Variants in SEMA3A observed in about 807,000 individuals in gnomAD.
SEMA3A encodes semaphorin 3A.
SEMA3A carries 29 observed loss-of-function variants against 97.9 expected under a neutral mutation model. That is an observed-to-expected ratio of 0.30 (90% CI 0.22 to 0.40). The LOEUF (loss-of-function observed/expected upper bound fraction) is 0.40. Ranked by LOEUF, SEMA3A falls within the 10% of genes least tolerant of loss-of-function variation. The pLI, the probability that SEMA3A is intolerant of heterozygous loss-of-function variation, is 1.00. For missense variants in SEMA3A, 763 were observed against 951.3 expected, an observed-to-expected ratio of 0.80 and a Z score of 2.60; for synonymous variants, 321 against 323.7, an observed-to-expected ratio of 0.99 and a Z score of 0.09.
At chr7:84,488,315 T>C (rs79006179) in intron 1 of SEMA3A, among the ~76,000 whole-genome samples, 13,761 of 93,936 alleles carry the variant, frequency 0.15, 752 homozygotes, top group East Asian at 0.28. Context: ...TTTCTTCGTA[T>C]ATACACACAC....
intron 1 of SEMA3A, among the ~76,000 whole-genome samples, chr7:84,409,056 T>A (rs567790249): frequency 1.4e-3 from 200 of 144,668 alleles, no homozygotes; most frequent in South Asian, 2.8e-3. Flanking sequence ...ATAATAAAAA[T>A]ATATATATAT....
chr7:84,111,523 G>T (rs971687436), intron 3 of SEMA3A, among the ~76,000 whole-genome samples: 3 of 152,098 alleles, frequency 2.0e-5, no homozygotes, highest in African/African-American at 7.2e-5. Flanking sequence ...CCAAATTTAA[G>T]CAGATTAATT....
At chr7:84,050,794 T>A (rs1489062189) in intron 5 of SEMA3A, among the ~76,000 whole-genome samples, 1 of 152,202 alleles carries the variant, frequency 6.6e-6, no homozygotes, top group African/African-American at 2.4e-5. Context: ...CATGCTTATG[T>A]CCTGAATGGT....
chr7:84,256,399 T>TA (rs1406934789), intron 3 of SEMA3A, among the ~76,000 whole-genome samples: 1 of 152,068 alleles, frequency 6.6e-6, no homozygotes, highest in Non-Finnish European at 1.5e-5. Context: ...CTCTGAGACT[T>TA]AGAGATCCTT....
intron 2 of SEMA3A, among the ~76,000 whole-genome samples, chr7:84,312,380 A>G (rs1209550418): frequency 6.6e-6 from 1 of 151,806 alleles, no homozygotes; most frequent in Non-Finnish European, 1.5e-5. Context: ...GTCATGAAGA[A>G]AGGCCCAGTG....
rs200950975 is a variant in SEMA3A, at chr7:84,160,403, A to T, written c.113-25452T>A. On this transcript the variant is annotated intron_variant, in intron 1 of 16. Transcript: ENST00000265362. ...CGTCTCTAAAAAAAATACAAAAATT[A>T]GCTGGATGCAGTAGCACATGCCTGT... 4.6e-5 allele frequency among the ~76,000 whole-genome samples: 7 copies of T among 151,876 alleles called. No individual in the cohort carries two copies. The East Asian group carries it at 1.2e-3, about 25-fold the overall frequency.
In SEMA3A at chr7:83,961,727, G is replaced by A. The variant is rs1404238314; in HGVS notation, c.1960C>T (p.His654Tyr). ...TTAAGAAGAGTTTGTATGAACCCAT[G>A]TTCCACCGCATGGCAGAGGTAATTG... ...SGNYLCHAVE[H>Y]GFIQTLLKVT... The change falls in exon 17 of 17, where the codon CAT becomes TAT. Residue 654 changes from histidine (H) to tyrosine (Y), a missense_variant. Around this residue, in one of 2 missense-constraint regions of SEMA3A, gnomAD observed 678 missense variants for 881.3 expected, o/e 0.77. Transcript: ENST00000265362. The A allele has an allele frequency of 1.3e-5, 21 of 1,613,798 alleles. No individual in the cohort carries two copies. The highest frequency in any genetic ancestry group is 1.4e-5 in the Non-Finnish European group (17 of 1,179,866).
intron 1 of SEMA3A, among the ~76,000 whole-genome samples, chr7:84,470,393 T>C (rs1434001076): frequency 2.0e-5 from 3 of 152,132 alleles, no homozygotes; most frequent in Non-Finnish European, 4.4e-5. Flanking sequence ...TGATGAAGCA[T>C]TTCTGGAGAC....
At chr7:84,241,407 T>C (rs781017629) in intron 3 of SEMA3A, among the ~76,000 whole-genome samples, 14 of 152,210 alleles carry the variant, frequency 9.2e-5, no homozygotes, top group Non-Finnish European at 1.9e-4. Context: ...TGTCTTCTTT[T>C]GAGAAGTGTC....
At position 84,215,437 on chromosome 7, in the gene SEMA3A, C is replaced by A. The variant is rs530752763; in HGVS notation, c.-82-20769G>T. ...TCCTGACCTTAGATGATCCGCCCCC[C>A]CCTTGGCCTCCCAAAGTGCTGGGAT... On this transcript the variant is annotated intron_variant, in intron 3 of 3. Transcript: ENST00000424555. Among the ~76,000 whole-genome samples, 22 of 152,160 alleles carry A rather than the reference C, an allele frequency of 1.4e-4. No homozygotes were observed. In the South Asian group the frequency reaches 1.9e-3, roughly 13 times the overall value.
chr7:84,109,711 A>G (rs1795219521), intron 4 of SEMA3A, among the ~76,000 whole-genome samples: 1 of 152,192 alleles, frequency 6.6e-6, no homozygotes, highest in Admixed American at 6.6e-5. Flanking sequence ...CCAGTTTTGA[A>G]GAAAATTCTG....
intron 1 of SEMA3A, among the ~76,000 whole-genome samples, chr7:84,437,941 A>C (rs1584325111): frequency 6.6e-6 from 1 of 152,190 alleles, no homozygotes; most frequent in East Asian, 1.9e-4. Context: ...TTTTTTAAAA[A>C]ACCTAAAACA....
chr7:84,090,353 T>C (rs1048612592), intron 4 of SEMA3A, among the ~76,000 whole-genome samples: 11 of 152,200 alleles, frequency 7.2e-5, no homozygotes, highest in African/African-American at 2.7e-4. Context: ...CACTCCCTCC[T>C]TTCTGTTTCT....
At chr7:84,371,977 T>A (rs1168812542) in intron 1 of SEMA3A, 1 of 152,024 alleles carries the variant, frequency 6.6e-6, no homozygotes, top group East Asian at 1.9e-4. Flanking sequence ...TAAACTGGTT[T>A]AATAAACAAA....
chr7:84,148,195 A>C (rs531644247), intron 1 of SEMA3A, among the ~76,000 whole-genome samples: 2 of 152,168 alleles, frequency 1.3e-5, no homozygotes, highest in African/African-American at 4.8e-5. Flanking sequence ...GATTACAGGC[A>C]TGAGGCACCA....
At position 84,099,081 on chromosome 7, in the gene SEMA3A, T is replaced by TCGCATAA. The variant is rs1794867342; in HGVS notation, c.453+11388_453+11389insTTATGCG. 3.8e-5 allele frequency among the ~76,000 whole-genome samples: 2 copies of TCGCATAA among 52,366 alleles called. 1 individual carries two copies. Among genetic ancestry groups the TCGCATAA allele is most frequent in the Non-Finnish European group, 1.3e-4 (2 of 15,476 alleles). 34.4% of individuals were successfully genotyped at this position (52,366 alleles called of 152,430 possible). On this transcript the variant is annotated intron_variant, in intron 4 of 16. Transcript: ENST00000265362. ...TTACATTTTCTTTTTTTTTCTTTTT[T>TCGCATAA]TTTTTTTGAGACGGAGTCTCGCTCT... is the stretch of plus-strand genomic sequence containing the variant.
chr7:83,980,623 A>AAATATATAT (rs1310318006), intron 14 of SEMA3A, among the ~76,000 whole-genome samples: 30 of 71,746 alleles, frequency 4.2e-4, no homozygotes, highest in Admixed American at 8.0e-4. Context: ...AAAAAAAAAA[A>AAATATATAT]ATATATATAT....
In SEMA3A at chr7:84,244,634, T is replaced by G. The variant is rs139934021; in HGVS notation, c.-82-49966A>C. ...TGTGAATTTAATCCTGTCATCATTATGCTAGGTGGTTATTTTGCCCATTAG... is the reference window on the plus strand; with the variant it reads ...TGTGAATTTAATCCTGTCATCATTAGGCTAGGTGGTTATTTTGCCCATTAG... On this transcript the variant is annotated intron_variant, in intron 3 of 3. Coordinates refer to the SEMA3A transcript ENST00000424555. 1.8e-3 allele frequency among the ~76,000 whole-genome samples: 278 copies of G among 152,320 alleles called. 2 individuals are homozygous for G. The highest frequency in any genetic ancestry group is 6.3e-3 in the African/African-American group (262 of 41,580).
chr7:84,307,007 A>C (rs1439948014), intron 3 of SEMA3A, among the ~76,000 whole-genome samples: 1 of 152,064 alleles, frequency 6.6e-6, no homozygotes, highest in East Asian at 1.9e-4. Flanking sequence ...CAATTCCTAC[A>C]AACTGATTTT....
Sources: gnomAD v4.1 joint callset for allele counts (sites outside exome capture counted in the v4.1 genomes callset) on GRCh38, gnomAD v4.1.1 for gene constraint, gnomAD v4.1.1 regional missense constraint, MANE v1.5 for transcripts, NCBI Gene and HGNC (gene_info 2026-07-23, HGNC 2026-07-21) for gene names.